The following CSNK1G1 variants were observed in gnomAD, a reference collection of about 807,000 sequenced individuals.
CSNK1G1 encodes the protein casein kinase I isoform gamma-1.
In CSNK1G1, 22 loss-of-function variants were observed where a neutral mutation model predicts 59.6. The observed-to-expected ratio is 0.37, with a 90% CI of 0.26 to 0.53. The LOEUF (loss-of-function observed/expected upper bound fraction) is 0.53, where lower values mean the gene tolerates loss of function less well. Ranked by LOEUF, CSNK1G1 falls within the 20% of genes least tolerant of loss-of-function variation. CSNK1G1 has a pLI of 0.89. For synonymous variants in CSNK1G1, 179 were observed against 177.1 expected (o/e 1.01, Z -0.08); for missense variants, 384 against 519.5 (o/e 0.74, Z 2.54).
chr15:64,237,729 T>C (rs1388642470), intron 4 of CSNK1G1, among the ~76,000 whole-genome samples: 1 of 152,214 alleles, frequency 6.6e-6, no homozygotes, highest in Non-Finnish European at 1.5e-5. Context: ...AGATCTATAG[T>C]TAATTGCTCT....
chr15:64,286,177 G>A (rs180675069), intron 2 of CSNK1G1, among the ~76,000 whole-genome samples: 20 of 152,146 alleles, frequency 1.3e-4, no homozygotes, highest in African/African-American at 4.8e-4. Flanking sequence ...GAGCCTTAAA[G>A]GTTCAACTCA....
At chr15:64,345,636 A>C (rs1191710763) in intron 1 of CSNK1G1, among the ~76,000 whole-genome samples, 1 of 152,138 alleles carries the variant, frequency 6.6e-6, no homozygotes, top group African/African-American at 2.4e-5. Flanking sequence ...ATAACCTAAA[A>C]TCAATCTTCT....
chr15:64,185,874 AAAAAAG>A (rs971028332), intron 10 of CSNK1G1, among the ~76,000 whole-genome samples: 3 of 151,964 alleles, frequency 2.0e-5, no homozygotes, highest in African/African-American at 7.2e-5. Flanking sequence ...AAAAAAAAAA[AAAAAAG>A]AGAGAAAAAG....
chr15:64,309,043 A>T (rs1895847925), intron 1 of CSNK1G1, among the ~76,000 whole-genome samples: 1 of 152,104 alleles, frequency 6.6e-6, no homozygotes, highest in African/African-American at 2.4e-5. Flanking sequence ...AGGGCCCTGG[A>T]CCTGGGTCCT....
intron 2 of CSNK1G1, among the ~76,000 whole-genome samples, chr15:64,260,105 T>G (rs1260709204): frequency 6.6e-6 from 1 of 152,224 alleles, no homozygotes; most frequent in African/African-American, 2.4e-5. Flanking sequence ...GAGTGCTTAG[T>G]ACATATCATG....
chr15:64,261,426 C>T (rs1314450544), intron 2 of CSNK1G1, among the ~76,000 whole-genome samples: 1 of 152,054 alleles, frequency 6.6e-6, no homozygotes, highest in African/African-American at 2.4e-5. Context: ...CATGGTGAAA[C>T]TCTGTCTCTA....
At chr15:64,199,267 A>AG (rs1434817000) in intron 10 of CSNK1G1, among the ~76,000 whole-genome samples, 4 of 146,800 alleles carry the variant, frequency 2.7e-5, no homozygotes, top group African/African-American at 9.8e-5. Context: ...AAAAAAAAAA[A>AG]AAAAAGAAAA....
intron 2 of CSNK1G1, among the ~76,000 whole-genome samples, chr15:64,260,010 G>C (rs1315214266): frequency 6.6e-6 from 1 of 152,106 alleles, no homozygotes; most frequent in Non-Finnish European, 1.5e-5. Context: ...TTCACTTACT[G>C]AACCTGTAAT....
intron 1 of CSNK1G1, among the ~76,000 whole-genome samples, chr15:64,333,655 T>TA (rs1234739487): frequency 6.6e-6 from 1 of 151,996 alleles, no homozygotes; most frequent in Non-Finnish European, 1.5e-5. Flanking sequence ...GCAAAATGGA[T>TA]AAAAAATTGG....
At chr15:64,247,696 G>A (rs1891831668) in intron 4 of CSNK1G1, among the ~76,000 whole-genome samples, 1 of 152,188 alleles carries the variant, frequency 6.6e-6, no homozygotes, top group South Asian at 2.1e-4. Context: ...GAATTGGTAT[G>A]AATTTCTAGA....
intron 1 of CSNK1G1, among the ~76,000 whole-genome samples, chr15:64,349,517 G>A (rs1225317685): frequency 1.3e-5 from 2 of 152,172 alleles, no homozygotes; most frequent in Non-Finnish European, 2.9e-5. Context: ...CCCACTTGGA[G>A]CTTCTGGGTG....
At chr15:64,291,827 T>C (rs1057138716) in intron 2 of CSNK1G1, among the ~76,000 whole-genome samples, 2 of 152,154 alleles carry the variant, frequency 1.3e-5, no homozygotes, top group Non-Finnish European at 2.9e-5. Context: ...TGAAATGAAC[T>C]GCTTTAGATA....
At chr15:64,281,713 G>A (rs547814729) in intron 2 of CSNK1G1, among the ~76,000 whole-genome samples, 56 of 151,528 alleles carry the variant, frequency 3.7e-4, no homozygotes, top group Non-Finnish European at 6.2e-4. Context: ...GGTGGCGAGC[G>A]CCTGTAATCT....
intron 4 of CSNK1G1, among the ~76,000 whole-genome samples, chr15:64,240,231 C>T (rs2082676106): frequency 6.6e-6 from 1 of 152,018 alleles, no homozygotes; most frequent in Non-Finnish European, 1.5e-5. Flanking sequence ...AAGACTCCGT[C>T]TCAACAAACT....
intron 2 of CSNK1G1, among the ~76,000 whole-genome samples, chr15:64,266,126 G>A (rs1892971484): frequency 6.6e-6 from 1 of 151,726 alleles, no homozygotes; most frequent in Non-Finnish European, 1.5e-5. Context: ...GCAGCGACAC[G>A]ATCTCGGCTC....
intron 1 of CSNK1G1, among the ~76,000 whole-genome samples, chr15:64,307,062 G>T (rs1017536318): frequency 1.3e-5 from 2 of 152,146 alleles, no homozygotes; most frequent in African/African-American, 4.8e-5. Context: ...AATGGTAGAT[G>T]CATGTCATTA....
Position 64,170,300 on chromosome 15 carries a change from G to A in CSNK1G1, c.*1631C>T, listed in dbSNP as rs1423625388. 2.0e-5 allele frequency: 3 copies of A among 152,200 alleles called. No individual in the cohort carries two copies. The highest frequency in any genetic ancestry group is 4.4e-5 in the Non-Finnish European group (3 of 68,050). 9.4% of individuals were successfully genotyped at this position (152,200 alleles called of 1,614,324 possible). On this transcript the variant is annotated 3_prime_UTR_variant, in exon 12 of 12. Coordinates refer to ENST00000303052, the MANE Select transcript of CSNK1G1 (RefSeq NM_022048.5). ...TGAAAACACCATGGGGGGAGGCCTA[G>A]GGCATACTGGGAAAAACATGCTTAG...
intron 1 of CSNK1G1, among the ~76,000 whole-genome samples, chr15:64,319,676 T>C (rs765607066): frequency 2.0e-5 from 3 of 151,454 alleles, no homozygotes; most frequent in Non-Finnish European, 4.4e-5. Context: ...TCCTGAGTAG[T>C]TGGGATTACA....
rs142571852 is a variant in CSNK1G1, at chr15:64,202,937, A to T, written c.1107+145T>A. ...TATACATGCCCTGAGGGTTGCTTGA[A>T]AGTCATACCACACCTGTAAGAAATG... On this transcript the variant is annotated intron_variant, in intron 10 of 11. Transcript: ENST00000303052. 319 of 669,948 alleles carry T rather than the reference A, an allele frequency of 4.8e-4. 1 individual carries two copies. In the African/African-American group the frequency reaches 5.0e-3, roughly 11 times the overall value. The allele number at this position is 669,948 out of a possible 1,614,324, so 41.5% of individuals were successfully genotyped here.
Sources: gnomAD v4.1 joint callset for allele counts (sites outside exome capture counted in the v4.1 genomes callset) on GRCh38, gnomAD v4.1.1 for gene constraint, MANE v1.5 for transcripts, NCBI Gene and HGNC (gene_info 2026-07-23, HGNC 2026-07-21) for gene names.